Variants in STXBP5L observed in about 807,000 individuals in gnomAD.
STXBP5L encodes the protein syntaxin binding protein 5L, also known as syntaxin-binding protein 5-like.
Under a neutral mutation model 144.5 loss-of-function variants are expected in STXBP5L, and 65 were observed. The ratio of observed to expected loss-of-function variants is 0.45; its 90% confidence interval spans 0.37 to 0.55. The LOEUF (loss-of-function observed/expected upper bound fraction) is 0.55. Ranked by LOEUF, STXBP5L falls within the 20% of genes least tolerant of loss-of-function variation. STXBP5L has a pLI of 0.00. For synonymous variants in STXBP5L, 505 were observed against 469.6 expected (o/e 1.08, Z -0.97); for missense variants, 1,298 against 1,405.5 (o/e 0.92, Z 1.22).
At position 121,221,672 on chromosome 3, in the gene STXBP5L, T is replaced by C. The variant is rs1249982066; in HGVS notation, c.957-1331T>C. ...TTATAGAAATAACAAATGTGCTTTT[T>C]AATGGCACCATTAGTAGGTTGGTCA... On this transcript the variant is annotated intron_variant, in intron 10 of 26. Transcript: ENST00000471454. Among the ~76,000 whole-genome samples, 7 of 151,852 alleles carry C rather than the reference T, an allele frequency of 4.6e-5. No homozygotes were observed. In the East Asian group the frequency reaches 1.4e-3, roughly 29 times the overall value.
At chr3:121,009,289 T>G (rs1559994810) in intron 3 of STXBP5L, among the ~76,000 whole-genome samples, 1 of 151,988 alleles carries the variant, frequency 6.6e-6, no homozygotes, top group Non-Finnish European at 1.5e-5. Context: ...CTCCCCTAGA[T>G]TCATTCACAT....
chr3:121,233,656 A>G lies in STXBP5L; in HGVS notation c.1152A>G (p.Lys384=). 6.2e-7 allele frequency: 1 copy of G among 1,612,756 alleles called. No homozygotes were observed. Among genetic ancestry groups the G allele is most frequent in the Non-Finnish European group, 8.5e-7 (1 of 1,179,322 alleles). The part of the protein sequence containing the change: ...EPYAVVVLLE[K]DLIVVDLTQS... ...ATGCTGTCGTGGTACTTCTGGAGAA[A>G]GATCTCATTGTAGTTGATCTGACAC... is the stretch of plus-strand genomic sequence containing the variant. Residue 384 remains lysine, a synonymous_variant, in exon 12 of 27, where the codon AAA becomes AAG. Coordinates refer to ENST00000471454, the MANE Select transcript of STXBP5L (RefSeq NM_001308330.2).
chr3:120,966,625 C>T (rs1008296197), intron 3 of STXBP5L, among the ~76,000 whole-genome samples: 2 of 152,100 alleles, frequency 1.3e-5, no homozygotes. Context: ...TGCAGAACAG[C>T]AAATATTGCA....
chr3:121,261,042 T>C (rs1430099783), intron 18 of STXBP5L, among the ~76,000 whole-genome samples: 1 of 152,184 alleles, frequency 6.6e-6, no homozygotes, highest in Non-Finnish European at 1.5e-5. Context: ...CTGTGAAAGA[T>C]AGTTGAGCTC....
chr3:121,368,604 C>T (rs2045935006), intron 20 of STXBP5L, among the ~76,000 whole-genome samples: 1 of 151,864 alleles, frequency 6.6e-6, no homozygotes, highest in African/African-American at 2.4e-5. Context: ...CTCTGGAAAT[C>T]ATATTTGCTC....
Position 121,407,267 on chromosome 3 carries a change from C to G in STXBP5L, c.2612C>G (p.Ala871Gly). 6.3e-7 allele frequency: 1 copy of G among 1,579,236 alleles called. No homozygotes were observed. Among genetic ancestry groups the G allele is most frequent in the Non-Finnish European group, 8.6e-7 (1 of 1,164,644 alleles). Residue 871 changes from alanine to glycine, a missense_variant, in exon 23 of 27, where the codon GCT becomes GGT. Physicochemically the swap from Ala to Gly is moderately conservative, Grantham distance 60 (BLOSUM62 0). Coordinates refer to ENST00000471454, the MANE Select transcript of STXBP5L (RefSeq NM_001308330.2). ...GGTACATTCCTCTCATTGAAAGGAGCTGTGCTAACATTCTCCTGTATGGAC... is the reference window on the plus strand; with the variant it reads ...GGTACATTCCTCTCATTGAAAGGAGGTGTGCTAACATTCTCCTGTATGGAC... The part of the protein sequence containing the change: ...PSGTFLSLKG[A>G]VLTFSCMDRM...
chr3:121,199,191 C>T (rs746576111), intron 9 of STXBP5L, among the ~76,000 whole-genome samples: 46 of 152,110 alleles, frequency 3.0e-4, no homozygotes, highest in Admixed American at 1.4e-3. Context: ...TGAAGAGGTC[C>T]TTTACGTCCC....
intron 22 of STXBP5L, among the ~76,000 whole-genome samples, chr3:121,394,039 T>C (rs1263457871): frequency 6.6e-6 from 1 of 152,230 alleles, no homozygotes; most frequent in East Asian, 1.9e-4. Flanking sequence ...TTAATGATAT[T>C]GATTCTTCCA....
At chr3:121,324,121 A>G (rs550547067) in intron 20 of STXBP5L, among the ~76,000 whole-genome samples, 1 of 152,280 alleles carries the variant, frequency 6.6e-6, no homozygotes, top group East Asian at 1.9e-4. Flanking sequence ...TCAAGTTCAA[A>G]TGAAGGCTAG....
At chr3:120,962,305 C>G (rs973446115) in intron 3 of STXBP5L, among the ~76,000 whole-genome samples, 1 of 152,094 alleles carries the variant, frequency 6.6e-6, no homozygotes, top group Non-Finnish European at 1.5e-5. Context: ...TCAATTTTGG[C>G]TTTTGTTGCC....
At chr3:121,230,024 T>C (rs896149126) in intron 11 of STXBP5L, among the ~76,000 whole-genome samples, 9 of 152,216 alleles carry the variant, frequency 5.9e-5, no homozygotes, top group African/African-American at 2.2e-4. Context: ...GAAAATGACT[T>C]GTACATTTAA....
intron 5 of STXBP5L, among the ~76,000 whole-genome samples, chr3:121,084,325 G>T (rs2042388375): frequency 6.6e-6 from 1 of 152,048 alleles, no homozygotes; most frequent in East Asian, 1.9e-4. Flanking sequence ...ATTGAGCCCT[G>T]CATGCATTAG....
At chr3:121,133,317 T>C (rs936531437) in intron 7 of STXBP5L, among the ~76,000 whole-genome samples, 8 of 152,164 alleles carry the variant, frequency 5.3e-5, no homozygotes, top group Non-Finnish European at 8.8e-5. Context: ...AAGAAATCTA[T>C]GTTCAGATAT....
chr3:121,126,227 G>C (rs2044696922), intron 7 of STXBP5L, among the ~76,000 whole-genome samples: 1 of 152,124 alleles, frequency 6.6e-6, no homozygotes, highest in Admixed American at 6.6e-5. Context: ...CTGGCATGCT[G>C]CCTGTTTTCT....
intron 10 of STXBP5L, among the ~76,000 whole-genome samples, chr3:121,209,126 A>T (rs2048455435): frequency 6.6e-6 from 1 of 152,146 alleles, no homozygotes. Flanking sequence ...GCACAGTATT[A>T]TTCCATGGTG....
rs577088606 is a variant in STXBP5L at position 121,221,030 on chromosome 3, G to C, written c.957-1973G>C. Among the ~76,000 whole-genome samples, 3 of 152,028 alleles carry C rather than the reference G, an allele frequency of 2.0e-5. No homozygotes were observed. In the South Asian group the frequency reaches 6.2e-4, roughly 32 times the overall value. ...GAATCATAGGCTTTGGAGTCTGGTA[G>C]ATCTCAATTTTCTTTTGGTTGTTGC... On this transcript the variant is annotated intron_variant, in intron 10 of 26. Transcript: ENST00000471454.
rs371063456 is a variant in STXBP5L at position 121,327,426 on chromosome 3, G to A, written c.2176+8886G>A. 5.3e-5 allele frequency among the ~76,000 whole-genome samples: 8 copies of A among 152,298 alleles called. No homozygotes were observed. In the East Asian group the frequency reaches 7.7e-4, roughly 15 times the overall value. ...TCACAAAGGTTTATAATCTGCTGCT[G>A]TTGTGAGGCTAGGCCATCATCTGAT... On this transcript the variant is annotated intron_variant, in intron 20 of 26. Transcript: ENST00000471454.
chr3:121,127,443 T>G (rs1467801913), intron 7 of STXBP5L, among the ~76,000 whole-genome samples: 4 of 151,966 alleles, frequency 2.6e-5, no homozygotes, highest in African/African-American at 9.7e-5. Context: ...GGAGACTTCT[T>G]CCTTGCCTTT....
At chr3:121,252,574 A>G (rs1053012882) in intron 15 of STXBP5L, among the ~76,000 whole-genome samples, 20 of 152,202 alleles carry the variant, frequency 1.3e-4, no homozygotes, top group African/African-American at 4.3e-4. Flanking sequence ...AATCAAGGTC[A>G]TATCTCCAAC....
Sources: gnomAD v4.1 joint callset for allele counts (sites outside exome capture counted in the v4.1 genomes callset) on GRCh38, gnomAD v4.1.1 for gene constraint, MANE v1.5 for transcripts, NCBI Gene and HGNC (gene_info 2026-07-23, HGNC 2026-07-21) for gene names.